GABPB2: variants seen among roughly 807,000 people sequenced by gnomAD.
GABPB2 encodes GA binding protein transcription factor subunit beta 2.
In GABPB2, 23 loss-of-function variants were observed where a neutral mutation model predicts 39.1. The observed-to-expected ratio is 0.59, with a 90% CI of 0.42 to 0.83. The LOEUF (loss-of-function observed/expected upper bound fraction) is 0.83, where lower values mean the gene tolerates loss of function less well. GABPB2 is among the 40% of genes least tolerant of loss of function. The probability of loss-of-function intolerance (pLI) is 0.00; values close to 1 mark genes in which losing one functional copy is unlikely to be tolerated. For synonymous variants in GABPB2, 184 were observed against 199.3 expected, an observed-to-expected ratio of 0.92 and a Z score of 0.65; for missense variants, 467 against 541.1, an observed-to-expected ratio of 0.86 and a Z score of 1.36.
Position 151,082,569 on chromosome 1 carries a change from A to AT in GABPB2, c.1-5608dup, listed in dbSNP as rs1219479375. Among the ~76,000 whole-genome samples the AT allele has an allele frequency of 9.9e-3, 1,391 of 140,222 alleles. 15 individuals are homozygous for AT. The highest frequency in any genetic ancestry group is 0.028 in the African/African-American group (1,092 of 38,322). 92.0% of individuals were successfully genotyped at this position (140,222 alleles called of 152,430 possible). ...AGGCGCCCACCACCATGCCCAGCTA[A>AT]TTTTTTTTTTTTTGTATTTTTAGTA... is the stretch of plus-strand genomic sequence containing the variant. On this transcript the variant is annotated intron_variant, in intron 1 of 8. Transcript: ENST00000368918.
chr1:151,099,419 A>T (rs1679350031), intron 5 of GABPB2, among the ~76,000 whole-genome samples: 1 of 151,908 alleles, frequency 6.6e-6, no homozygotes, highest in Admixed American at 6.6e-5. Flanking sequence ...GATGGTCTTG[A>T]TCTCCTGACC....
intron 7 of GABPB2, among the ~76,000 whole-genome samples, chr1:151,114,714 A>G (rs866421238): frequency 1.3e-5 from 2 of 151,416 alleles, no homozygotes; most frequent in Non-Finnish European, 2.9e-5. Flanking sequence ...AGAAAAGAAA[A>G]CAAATGAGAA....
intron 1 of GABPB2, among the ~76,000 whole-genome samples, chr1:151,082,603 G>A (rs1343993090): frequency 1.3e-5 from 2 of 150,648 alleles, no homozygotes; most frequent in African/African-American, 4.9e-5. Flanking sequence ...TAGAGATGCG[G>A]TTTCACTGTG....
intron 4 of GABPB2, among the ~76,000 whole-genome samples, chr1:151,095,009 CAAAA>C (rs11433915): frequency 7.6e-6 from 1 of 131,396 alleles, no homozygotes; most frequent in Non-Finnish European, 1.6e-5. Flanking sequence ...GATTCCATCT[CAAAA>C]AAAAAAAAAA....
At chr1:151,106,340 T>A (rs1163224935) in intron 6 of GABPB2, among the ~76,000 whole-genome samples, 1 of 151,768 alleles carries the variant, frequency 6.6e-6, no homozygotes, top group Non-Finnish European at 1.5e-5. Context: ...ATATCTGGTT[T>A]TTTTGTTTGT....
chr1:151,071,696 T>G (rs893275155), intron 1 of GABPB2, among the ~76,000 whole-genome samples: 17 of 152,334 alleles, frequency 1.1e-4, no homozygotes, highest in African/African-American at 3.8e-4. Flanking sequence ...GGTCTCGAAC[T>G]CCTGACCTTA....
rs1301825310 is a variant in GABPB2 at position 151,111,579 on chromosome 1, C to T, written c.922+4357C>T. ...CTGGGACTACAGGCGCCTGCCACCA[C>T]GCCCGGCTAATTTTTTTTGTATTTT... On this transcript the variant is annotated intron_variant, in intron 7 of 8. Transcript: ENST00000368918. 5.9e-5 allele frequency among the ~76,000 whole-genome samples: 9 copies of T among 152,032 alleles called. No individual in the cohort carries two copies. The East Asian group carries it at 7.8e-4, about 13-fold the overall frequency.
At chr1:151,094,899 A>G (rs757053063) in intron 4 of GABPB2, among the ~76,000 whole-genome samples, 95 of 151,054 alleles carry the variant, frequency 6.3e-4, no homozygotes, top group Admixed American at 9.3e-4. Flanking sequence ...AATCCCAGCT[A>G]CTCGGGAGGC....
rs945194966 is a variant in GABPB2, at chr1:151,120,228, A to C, written c.*1972A>C. On this transcript the variant is annotated 3_prime_UTR_variant, in exon 9 of 9. Transcript: ENST00000368918. Reference sequence around the variant, plus strand: ...GTGGCAGGCACCTGGAATCCCAGCTACTCGGGAGGCTGAGGCGGTAGAATC... The same window carrying C: ...GTGGCAGGCACCTGGAATCCCAGCTCCTCGGGAGGCTGAGGCGGTAGAATC... The C allele has an allele frequency of 2.6e-5, 4 of 152,048 alleles. No individual in the cohort carries two copies. Among genetic ancestry groups the C allele is most frequent in the African/African-American group, 9.7e-5 (4 of 41,358 alleles). The allele number at this position is 152,048 out of a possible 1,614,324, so 9.4% of individuals were successfully genotyped here. A position where few individuals can be genotyped will look rare whatever the true frequency, so the allele number is the denominator to read the frequency against.
At chr1:151,116,159 A>C (rs1680845277) in intron 7 of GABPB2, among the ~76,000 whole-genome samples, 1 of 152,208 alleles carries the variant, frequency 6.6e-6, no homozygotes, top group African/African-American at 2.4e-5. Context: ...TGGGAGGCCA[A>C]GGCAGGTGGA....
rs1374297839 is a variant in GABPB2 at position 151,122,694 on chromosome 1, T to G, written c.*4438T>G. 2 of 152,072 alleles carry G rather than the reference T, an allele frequency of 1.3e-5. No individual in the cohort carries two copies. The highest frequency in any genetic ancestry group is 2.4e-5 in the African/African-American group (1 of 41,410). The allele number at this position is 152,072 out of a possible 1,614,324, so 9.4% of individuals were successfully genotyped here. ...TCTGACTATACAGTCACCACTTTTT[T>G]GGGGGAATTCTTTAGCAGATCTTAT... On this transcript the variant is annotated 3_prime_UTR_variant, in exon 9 of 9. Coordinates refer to ENST00000368918, the MANE Select transcript of GABPB2 (RefSeq NM_144618.3).
chr1:151,109,515 C>T (rs1680236049), intron 7 of GABPB2, among the ~76,000 whole-genome samples: 3 of 150,362 alleles, frequency 2.0e-5, no homozygotes, highest in East Asian at 2.0e-4. Context: ...TGTGCCACCA[C>T]GCCCGGCTAA....
chr1:151,116,029 G>A (rs1680835303), intron 7 of GABPB2, among the ~76,000 whole-genome samples: 1 of 152,090 alleles, frequency 6.6e-6, no homozygotes, highest in African/African-American at 2.4e-5. Context: ...CTTGAACCCA[G>A]GAGGTGGGGG....
intron 6 of GABPB2, among the ~76,000 whole-genome samples, chr1:151,106,414 T>G (rs956650647): frequency 6.6e-6 from 1 of 152,224 alleles, no homozygotes; most frequent in Non-Finnish European, 1.5e-5. Context: ...CTCGACTCAC[T>G]GCAACCTCTG....
intron 7 of GABPB2, 46 bp downstream of exon 7, chr1:151,107,268 A>G (rs912014725): frequency 9.6e-6 from 12 of 1,246,162 alleles, no homozygotes; most frequent in Admixed American, 3.0e-5. Context: ...GATATTTTAG[A>G]TACTCCATAC....
intron 1 of GABPB2, among the ~76,000 whole-genome samples, chr1:151,078,109 A>G (rs1373493499): frequency 6.6e-6 from 1 of 151,346 alleles, no homozygotes; most frequent in Non-Finnish European, 1.5e-5. Context: ...TGTCTCTACT[A>G]AAAATACAAA....
chr1:151,101,040 T>C (rs1460650033), intron 5 of GABPB2, among the ~76,000 whole-genome samples: 1 of 150,326 alleles, frequency 6.7e-6, no homozygotes, highest in Non-Finnish European at 1.5e-5. Flanking sequence ...AACTCATGAG[T>C]TCGAGAGCAG....
chr1:151,124,113 A>G lies in GABPB2; in HGVS notation c.*5857A>G, dbSNP rs1681289439. The G allele has an allele frequency of 6.8e-6, 1 of 148,130 alleles. No individual in the cohort carries two copies. The highest frequency in any genetic ancestry group is 2.5e-5 in the African/African-American group (1 of 40,812). The allele number at this position is 148,130 out of a possible 1,614,324, so 9.2% of individuals were successfully genotyped here. On this transcript the variant is annotated 3_prime_UTR_variant, in exon 9 of 9. Transcript: ENST00000368918. ...CACAAAAAAAAAAAAAAGAAAGAAA[A>G]AGGAAAAAAAGAAATATCAGTTTGA...
chr1:151,097,779 A>G, intron 4 of GABPB2, 73 bp from the exon 5 acceptor site: 1 of 1,218,574 alleles, frequency 8.2e-7, no homozygotes. Context: ...ACTGTCTCAA[A>G]AAAAAAAAAA....
Sources: allele counts gnomAD v4.1 joint callset (sites outside exome capture counted in the v4.1 genomes callset), GRCh38; gene constraint gnomAD v4.1.1; transcripts MANE v1.5; gene names NCBI Gene and HGNC (gene_info 2026-07-23, HGNC 2026-07-21).